The following FGFR1 variants were observed in gnomAD, a reference collection of about 807,000 sequenced individuals.
The protein encoded by FGFR1 is FGFR1/PLAG1 fusion.
A neutral mutation model predicts 93.7 loss-of-function variants in FGFR1; 18 were observed. The observed-to-expected ratio is 0.19, with a 90% confidence interval of 0.13 to 0.28. The LOEUF (loss-of-function observed/expected upper bound fraction) is 0.28, where lower values mean the gene tolerates loss of function less well. FGFR1 is among the 10% of genes least tolerant of loss of function. FGFR1 has a pLI of 1.00. For synonymous variants in FGFR1, 448 were observed against 429.3 expected (o/e 1.04, Z -0.54); for missense variants, 731 against 1,080.4 (o/e 0.68, Z 4.53).
At chr8:38,462,234 G>A (rs1172347136) in intron 1 of FGFR1, among the ~76,000 whole-genome samples, 3 of 152,146 alleles carry the variant, frequency 2.0e-5, no homozygotes, top group Non-Finnish European at 4.4e-5. Context: ...GGCCAGGCGC[G>A]GTGGCTCACG....
chr8:38,462,867 G>A (rs1834715696), intron 1 of FGFR1, among the ~76,000 whole-genome samples: 1 of 149,412 alleles, frequency 6.7e-6, no homozygotes, highest in Admixed American at 6.7e-5. Flanking sequence ...GCCTCCCAAA[G>A]GGCTGGGATT....
chr8:38,412,935 C>T lies in FGFR1; in HGVS notation c.*693G>A, dbSNP rs1202846054. On this transcript the variant is annotated 3_prime_UTR_variant, in exon 18 of 18. Coordinates refer to ENST00000447712, the MANE Select transcript of FGFR1 (RefSeq NM_023110.3). Reference sequence around the variant, plus strand: ...TACCCGATGGGTAAATCTCTGGTAACGACCCTTTTAAAAAGACATGTAAAT... The same window carrying T: ...TACCCGATGGGTAAATCTCTGGTAATGACCCTTTTAAAAAGACATGTAAAT... 2.6e-5 allele frequency: 6 copies of T among 233,268 alleles called. No homozygotes were observed. The highest frequency in any genetic ancestry group is 5.6e-5 in the Admixed American group (1 of 17,776). 14.4% of individuals were successfully genotyped at this position (233,268 alleles called of 1,614,324 possible). A position where few individuals can be genotyped will look rare whatever the true frequency, so the allele number is the denominator to read the frequency against.
rs2150646588 is a variant in FGFR1, at chr8:38,417,852, G to A, written c.1552+18C>T. Reference sequence around the variant, plus strand: ...AATGGGACAAGATTTTCTTTGCAAGGACAGAAGCATCACTTACACTTCAAC... The same window carrying A: ...AATGGGACAAGATTTTCTTTGCAAGAACAGAAGCATCACTTACACTTCAAC... On this transcript the variant is annotated intron_variant, in intron 11 of 17. Coordinates refer to ENST00000447712, the MANE Select transcript of FGFR1 (RefSeq NM_023110.3). The A allele has an allele frequency of 6.2e-7, 1 of 1,614,166 alleles. No homozygotes were observed. The highest frequency in any genetic ancestry group is 8.5e-7 in the Non-Finnish European group (1 of 1,180,022).
intron 2 of FGFR1, among the ~76,000 whole-genome samples, chr8:38,454,631 C>T (rs1832176493): frequency 6.6e-6 from 1 of 152,206 alleles, no homozygotes; most frequent in South Asian, 2.1e-4. Context: ...AAATAACCTG[C>T]GACCTCATCC....
At chr8:38,433,332 A>G (rs1824005624) in intron 2 of FGFR1, among the ~76,000 whole-genome samples, 1 of 151,332 alleles carries the variant, frequency 6.6e-6, no homozygotes. Context: ...TTTTTTTTTA[A>G]GACAGAGTTG....
intron 2 of FGFR1, among the ~76,000 whole-genome samples, chr8:38,456,238 G>A (rs1263706950): frequency 2.0e-5 from 3 of 152,112 alleles, no homozygotes; most frequent in African/African-American, 4.8e-5. Flanking sequence ...ACTGAGTCAC[G>A]AACCACACTA....
At chr8:38,456,210 TTC>T (rs984263410) in intron 2 of FGFR1, among the ~76,000 whole-genome samples, 2 of 152,176 alleles carry the variant, frequency 1.3e-5, no homozygotes, top group African/African-American at 2.4e-5. Flanking sequence ...TGTGTCAACC[TTC>T]TCTGTGTGAC....
chr8:38,413,926 A>T lies in FGFR1; in HGVS notation c.2284T>A (p.Ser762Thr). The change falls in exon 17 of 18, where the codon TCC (serine) becomes ACC (threonine). Residue 762 changes from serine to threonine, a missense_variant. By Grantham distance (58) the Ser-to-Thr change is moderately conservative. Coordinates refer to ENST00000447712, the MANE Select transcript of FGFR1 (RefSeq NM_023110.3). The surrounding 1 kb of genome is among the most constrained non-coding windows in gnomAD (Gnocchi z 4.2). The stretch of plus-strand genomic sequence containing the variant: ...GGCACGGGCAGCCTTACCTGGTTGG[A>T]GGTCAAGGCCACGATGCGGTCCAGG... ...EDLDRIVALTSNQEYLDLSMP... is the reference protein window; with the variant it reads ...EDLDRIVALTTNQEYLDLSMP... 1 of 1,613,900 alleles carries T rather than the reference A, an allele frequency of 6.2e-7. No homozygotes were observed. The highest frequency in any genetic ancestry group is 8.5e-7 in the Non-Finnish European group (1 of 1,179,936).
chr8:38,424,377 G>C lies in FGFR1; in HGVS notation c.936+132C>G, dbSNP rs755401018. 5 of 931,560 alleles carry C rather than the reference G, an allele frequency of 5.4e-6. No homozygotes were observed. The highest frequency in any genetic ancestry group is 8.7e-6 in the Non-Finnish European group (5 of 575,066). The allele number at this position is 931,560 out of a possible 1,614,324, so 57.7% of individuals were successfully genotyped here. A position where few individuals can be genotyped will look rare whatever the true frequency, so the allele number is the denominator to read the frequency against. ...ATGTGGCTAGATCCCTACTGAGATG[G>C]AGTGTGTGTGCCTGAAGCGTGAGGA... On this transcript the variant is annotated intron_variant, in intron 7 of 17. Coordinates refer to ENST00000447712, the MANE Select transcript of FGFR1 (RefSeq NM_023110.3). The surrounding 1 kb of genome is among the most constrained non-coding windows in gnomAD (Gnocchi z 4.3).
chr8:38,461,171 G>A (rs1197297293), intron 1 of FGFR1: 2 of 1,530,628 alleles, frequency 1.3e-6, no homozygotes, highest in Non-Finnish European at 1.8e-6. Flanking sequence ...TCTCACTGGA[G>A]TACTGATCCA....
rs1375367772 is a variant in FGFR1, at chr8:38,413,183, ACT to A, written c.*443_*444del. On this transcript the variant is annotated 3_prime_UTR_variant, in exon 18 of 18. Coordinates refer to ENST00000447712, the MANE Select transcript of FGFR1 (RefSeq NM_023110.3). The surrounding 1 kb of genome is among the most constrained non-coding windows in gnomAD (Gnocchi z 4.2). ...GTCACCTTCAATCGAGGCACGAAGC[ACT>A]GACCTCCCTACTGCTGTAGCCCTGA... is the stretch of plus-strand genomic sequence containing the variant. 8 of 254,470 alleles carry A rather than the reference ACT, an allele frequency of 3.1e-5. No individual in the cohort carries two copies. Among genetic ancestry groups the A allele is most frequent in the African/African-American group, 1.7e-4 (8 of 45,898 alleles). The allele number at this position is 254,470 out of a possible 1,614,324, so 15.8% of individuals were successfully genotyped here. A position where few individuals can be genotyped will look rare whatever the true frequency, so the allele number is the denominator to read the frequency against.
Position 38,419,682 on chromosome 8 carries a change from T to A in FGFR1, c.1135A>T (p.Ile379Phe), listed in dbSNP as rs2150712669. 1.2e-6 allele frequency: 2 copies of A among 1,614,090 alleles called. No homozygotes were observed. Among genetic ancestry groups the A allele is most frequent in the Non-Finnish European group, 1.7e-6 (2 of 1,180,000 alleles). Reference protein sequence around the residue: ...MTSPLYLEIIIYCTGAFLISC... With the variant: ...MTSPLYLEIIFYCTGAFLISC... ...ATGAGGAAGGCCCCTGTGCAATAGA[T>A]GATGATCTCCAGGTACAGGGGCGAG... The change falls in exon 9 of 18, where the codon ATC becomes TTC. Residue 379 changes from isoleucine (I) to phenylalanine (F), a missense_variant. This residue lies in a region of FGFR1 where 146 missense variants were observed against 173.0 expected (regional missense o/e 0.84). Coordinates refer to ENST00000447712, the MANE Select transcript of FGFR1 (RefSeq NM_023110.3).
intron 2 of FGFR1, among the ~76,000 whole-genome samples, chr8:38,444,245 A>C (rs902922983): frequency 1.6e-4 from 24 of 152,010 alleles, no homozygotes; most frequent in African/African-American, 5.6e-4. Flanking sequence ...TTTCCAGGAG[A>C]GCTTGGACCC....
intron 4 of FGFR1, 48 bp from the exon 5 acceptor site, chr8:38,428,141 T>C: frequency 6.2e-7 from 1 of 1,611,928 alleles, no homozygotes; most frequent in Non-Finnish European, 8.5e-7. Context: ...GAGGAGCAGC[T>C]GGTCAGGCTC....
chr8:38,438,823 C>T (rs1487659486), intron 2 of FGFR1, among the ~76,000 whole-genome samples: 2 of 152,192 alleles, frequency 1.3e-5, no homozygotes, highest in Non-Finnish European at 2.9e-5. Context: ...CCCCCTGCAT[C>T]CTACCTCCTC....
intron 2 of FGFR1, among the ~76,000 whole-genome samples, chr8:38,452,415 C>T (rs1831379579): frequency 6.6e-6 from 1 of 152,004 alleles, no homozygotes; most frequent in African/African-American, 2.4e-5. Context: ...AGTGCAGTGG[C>T]TTGATTATAG....
At chr8:38,464,556 A>G (rs1243119376) in intron 1 of FGFR1, among the ~76,000 whole-genome samples, 1 of 152,120 alleles carries the variant, frequency 6.6e-6, no homozygotes, top group Non-Finnish European at 1.5e-5. Flanking sequence ...CAACCTTAGG[A>G]GGAAAAACAA....
In FGFR1 at chr8:38,413,293, G is replaced by A. The variant is rs1814990079; in HGVS notation, c.*335C>T. ...AAACCGACAGGAGAAAGCTCAGGAA[G>A]CTCTCACTTGCATGCCTGTTCATTG... On this transcript the variant is annotated 3_prime_UTR_variant, in exon 18 of 18. Coordinates refer to ENST00000447712, the MANE Select transcript of FGFR1 (RefSeq NM_023110.3). This position sits in a 1 kb window ranked among gnomAD's most constrained non-coding sequence, Gnocchi z 4.2. The A allele has an allele frequency of 2.4e-6, 1 of 414,808 alleles. No individual in the cohort carries two copies. The highest frequency in any genetic ancestry group is 2.0e-5 in the African/African-American group (1 of 50,668). The allele number at this position is 414,808 out of a possible 1,614,324, so 25.7% of individuals were successfully genotyped here.
intron 2 of FGFR1, 73 bp from the exon 3 acceptor site, chr8:38,430,021 G>C: frequency 2.1e-6 from 3 of 1,444,990 alleles, no homozygotes; most frequent in Non-Finnish European, 2.8e-6. Context: ...GAGGAGGGGA[G>C]AGACAAAGGG....
Sources: allele counts gnomAD v4.1 joint callset (sites outside exome capture counted in the v4.1 genomes callset), GRCh38; gene constraint gnomAD v4.1.1; regional missense constraint gnomAD v4.1.1; non-coding constraint Gnocchi (gnomAD v3.1); transcripts MANE v1.5; gene names NCBI Gene and HGNC (gene_info 2026-07-23, HGNC 2026-07-21).